GLYR1: variants seen among roughly 807,000 people sequenced by gnomAD.
GLYR1 encodes glyoxylate reductase 1 homolog.
Under a neutral mutation model 72.7 loss-of-function variants are expected in GLYR1, and 21 were observed. The observed-to-expected ratio is 0.29, with a 90% CI of 0.20 to 0.42. GLYR1 has a LOEUF of 0.42. GLYR1 is among the 10% of genes least tolerant of loss of function. The pLI, the probability that GLYR1 is intolerant of heterozygous loss-of-function variation, is 1.00. For missense variants in GLYR1, 594 were observed against 712.1 expected, an observed-to-expected ratio of 0.83 and a Z score of 1.89; for synonymous variants, 392 against 270.2, an observed-to-expected ratio of 1.45 and a Z score of -4.42.
chr16:4,845,539 G>T (rs899785071), intron 2 of GLYR1, among the ~76,000 whole-genome samples: 1 of 148,496 alleles, frequency 6.7e-6, no homozygotes, highest in African/African-American at 2.5e-5. Flanking sequence ...CTGAAAAAAT[G>T]CAGACGACAC....
chr16:4,821,144 C>T, intron 9 of GLYR1: 1 of 579,336 alleles, frequency 1.7e-6, no homozygotes, highest in South Asian at 2.1e-5. Flanking sequence ...GCTCCTTGCT[C>T]TTGAGTTCTG....
intron 1 of GLYR1, 26 bp from the exon 2 acceptor site, chr16:4,846,236 C>T (rs372387410): frequency 6.2e-7 from 1 of 1,613,652 alleles, no homozygotes; most frequent in South Asian, 1.1e-5. Flanking sequence ...AGAGTCAACA[C>T]TTGCCCTGCA....
At chr16:4,847,132 G>A (rs1014355995) in intron 1 of GLYR1, 96 bp downstream of exon 1, 9 of 1,150,748 alleles carry the variant, frequency 7.8e-6, no homozygotes, top group East Asian at 2.6e-5. Context: ...GCGACCTGGA[G>A]CGCATAAAAA....
intron 3 of GLYR1, chr16:4,843,624 G>A (rs1406387679): frequency 3.1e-6 from 4 of 1,288,998 alleles, no homozygotes; most frequent in East Asian, 5.5e-5. Flanking sequence ...AAACCAGGAA[G>A]AGCATCTGAC....
chr16:4,818,125 G>T (rs2083770342), intron 9 of GLYR1, among the ~76,000 whole-genome samples: 1 of 152,018 alleles, frequency 6.6e-6, no homozygotes, highest in South Asian at 2.1e-4. Context: ...TTTCTGAGTA[G>T]CTGGGATTAC....
rs1041739170 is a variant in GLYR1, at chr16:4,803,517, T to C, written c.*1719A>G. The C allele has an allele frequency of 6.6e-6, 1 of 152,622 alleles. No individual in the cohort carries two copies. The highest frequency in any genetic ancestry group is 1.5e-5 in the Non-Finnish European group (1 of 68,042). 9.5% of individuals were successfully genotyped at this position (152,622 alleles called of 1,614,324 possible). On this transcript the variant is annotated 3_prime_UTR_variant, in exon 16 of 16. Transcript: ENST00000321919. ...ATTCATAAAAAGGAACTTTACAGAA[T>C]TGTCAACAATATTAAGACAAAATTG...
At chr16:4,826,789 A>T (rs374714576) in intron 5 of GLYR1, among the ~76,000 whole-genome samples, 2 of 152,190 alleles carry the variant, frequency 1.3e-5, no homozygotes, top group Non-Finnish European at 2.9e-5. Flanking sequence ...ATGTGCATTT[A>T]ATTTCAATTT....
In GLYR1 at chr16:4,804,788, T is replaced by C. The variant is rs898765755; in HGVS notation, c.*448A>G. The C allele has an allele frequency of 5.0e-6, 1 of 199,106 alleles. No individual in the cohort carries two copies. The highest frequency in any genetic ancestry group is 2.3e-5 in the African/African-American group (1 of 44,078). The allele number at this position is 199,106 out of a possible 1,614,324, so 12.3% of individuals were successfully genotyped here. On this transcript the variant is annotated 3_prime_UTR_variant, in exon 16 of 16. Coordinates refer to ENST00000321919, the MANE Select transcript of GLYR1 (RefSeq NM_032569.4). ...GGATGGGGACATGACTACAGCCTCT[T>C]CGCTCTGGGGGAAGCTGTGGGAAGG...
At chr16:4,808,101 C>T (rs1271599824) in intron 15 of GLYR1, among the ~76,000 whole-genome samples, 10 of 151,868 alleles carry the variant, frequency 6.6e-5, no homozygotes, top group Admixed American at 2.0e-4. Flanking sequence ...CCAAGTGTGG[C>T]GGTGCATGCC....
chr16:4,834,070 A>C (rs2084964813), intron 3 of GLYR1, among the ~76,000 whole-genome samples: 1 of 152,194 alleles, frequency 6.6e-6, no homozygotes, highest in Non-Finnish European at 1.5e-5. Context: ...TTTGCACATA[A>C]AAATAATGTT....
intron 10 of GLYR1, 106 bp from the exon 11 acceptor site, chr16:4,814,753 G>C (rs2083528032): frequency 1.4e-5 from 12 of 877,228 alleles, no homozygotes; most frequent in Non-Finnish European, 2.0e-5. Context: ...TACCAAGGCA[G>C]GAGGCTGAGG....
Position 4,817,657 on chromosome 16 carries a change from C to T in GLYR1, c.847G>A (p.Val283Ile), listed in dbSNP as rs762419867. ...LGLGLMGSGI[V>I]SNLLKMGHTV... The stretch of plus-strand genomic sequence containing the variant: ...TGACCCATTTTTAGCAAGTTGGAGA[C>T]GATTCCACTTCCCATGAGACCAAGG... Residue 283 changes from valine (V) to isoleucine (I), a missense_variant, in exon 10 of 16, where the codon GTC becomes ATC. By Grantham distance (29) the Val-to-Ile change is conservative (BLOSUM62 3). Around this residue, in one of 5 missense-constraint regions of GLYR1, gnomAD observed 266 missense variants for 358.4 expected, o/e 0.74. Transcript: ENST00000321919. 33 of 1,613,396 alleles carry T rather than the reference C, an allele frequency of 2.0e-5. No homozygotes were observed. Among genetic ancestry groups the T allele is most frequent in the African/African-American group, 2.7e-5 (2 of 74,852 alleles).
chr16:4,817,937 C>G lies in GLYR1; in HGVS notation c.807-240G>C. On this transcript the variant is annotated intron_variant, in intron 9 of 15. Transcript: ENST00000321919. Reference sequence around the variant, plus strand: ...CAGGCATTTTGAAACCCCTGACTGTCACAGAAAAAAGTATGATGTGTATGG... The same window carrying G: ...CAGGCATTTTGAAACCCCTGACTGTGACAGAAAAAAGTATGATGTGTATGG... 3 of 476,028 alleles carry G rather than the reference C, an allele frequency of 6.3e-6. No individual in the cohort carries two copies. The South Asian group carries it at 7.2e-5, about 11-fold the overall frequency. 29.5% of individuals were successfully genotyped at this position (476,028 alleles called of 1,614,324 possible).
chr16:4,846,011 T>C (rs2086008282), intron 2 of GLYR1, among the ~76,000 whole-genome samples, 163 bp downstream of exon 2: 1 of 152,220 alleles, frequency 6.6e-6, no homozygotes, highest in African/African-American at 2.4e-5. Flanking sequence ...GTATACTGCA[T>C]TGCCTTTTAA....
chr16:4,844,799 G>A (rs2085859018), intron 3 of GLYR1, among the ~76,000 whole-genome samples: 1 of 152,194 alleles, frequency 6.6e-6, no homozygotes, highest in Admixed American at 6.5e-5. Flanking sequence ...GTTGGGTAAA[G>A]AAACATGTGA....
At chr16:4,844,538 A>G (rs186709206) in intron 3 of GLYR1, among the ~76,000 whole-genome samples, 3 of 152,264 alleles carry the variant, frequency 2.0e-5, no homozygotes, top group Non-Finnish European at 2.9e-5. Flanking sequence ...TGGGAGGCCA[A>G]GGCAGGTGGA....
At chr16:4,842,230 C>T (rs1320185952) in intron 3 of GLYR1, among the ~76,000 whole-genome samples, 10 of 148,616 alleles carry the variant, frequency 6.7e-5, no homozygotes, top group Non-Finnish European at 1.0e-4. Context: ...GGCGACAGAG[C>T]GAGACTCCGT....
chr16:4,847,197 C>A lies in GLYR1; in HGVS notation c.38+31G>T, dbSNP rs562364773. The A allele has an allele frequency of 2.5e-6, 4 of 1,586,848 alleles. No individual in the cohort carries two copies. The African/African-American group carries it at 4.1e-5, about 16-fold the overall frequency. ...CGCCCAGGCGGGTAGCTCCCCGGCG[C>A]GTCTCGGTTGGCCCGGCCGCTCGGA... On this transcript the variant is annotated intron_variant, in intron 1 of 15. Transcript: ENST00000321919.
intron 15 of GLYR1, among the ~76,000 whole-genome samples, chr16:4,807,929 G>C (rs897859730): frequency 2.6e-5 from 4 of 152,150 alleles, no homozygotes; most frequent in African/African-American, 9.7e-5. Context: ...ACAGACAAGA[G>C]ACAGAAGACA....
Sources: gnomAD v4.1 joint callset for allele counts (sites outside exome capture counted in the v4.1 genomes callset) on GRCh38, gnomAD v4.1.1 for gene constraint, gnomAD v4.1.1 regional missense constraint, MANE v1.5 for transcripts, NCBI Gene and HGNC (gene_info 2026-07-23, HGNC 2026-07-21) for gene names.